The following ACVR1C variants were observed in gnomAD, a reference collection of about 807,000 sequenced individuals.
The protein encoded by ACVR1C is activin receptor type-1C.
Under a neutral mutation model 57.9 loss-of-function variants are expected in ACVR1C, and 23 were observed. The observed-to-expected ratio is 0.40, with a 90% CI of 0.29 to 0.56. The LOEUF is 0.56. Ranked by LOEUF, ACVR1C falls within the 20% of genes least tolerant of loss-of-function variation. ACVR1C has a pLI of 0.50. For synonymous variants in ACVR1C, 214 were observed against 215.3 expected, an observed-to-expected ratio of 0.99 and a Z score of 0.05; for missense variants, 480 against 607.9, an observed-to-expected ratio of 0.79 and a Z score of 2.21.
chr2:157,549,072 T>C (rs1225677221), intron 4 of ACVR1C, among the ~76,000 whole-genome samples: 5 of 152,146 alleles, frequency 3.3e-5, no homozygotes, highest in Admixed American at 6.5e-5. Context: ...TCAAAACTCC[T>C]GGGCCAGGCG....
chr2:157,544,706 CA>C (rs1430372528), intron 4 of ACVR1C, 94 bp from the exon 5 acceptor site: 8 of 1,093,292 alleles, frequency 7.3e-6, no homozygotes, highest in Non-Finnish European at 1.0e-5. Context: ...GTATTGTTAA[CA>C]AAGCAAAGTT....
intron 3 of ACVR1C, among the ~76,000 whole-genome samples, chr2:157,550,624 T>G (rs1273898724): frequency 6.6e-6 from 1 of 152,168 alleles, no homozygotes; most frequent in Non-Finnish European, 1.5e-5. Context: ...AAGTAAAAAT[T>G]TTTTGAACAT....
intron 1 of ACVR1C, among the ~76,000 whole-genome samples, chr2:157,589,672 A>T (rs1051590221): frequency 6.6e-6 from 1 of 151,952 alleles, no homozygotes; most frequent in African/African-American, 2.4e-5. Flanking sequence ...ATTAGAAAAA[A>T]TATCCTAAAA....
intron 4 of ACVR1C, among the ~76,000 whole-genome samples, chr2:157,547,919 C>T (rs932864470): frequency 6.6e-6 from 1 of 151,636 alleles, no homozygotes; most frequent in African/African-American, 2.4e-5. Flanking sequence ...ATGGTAATGC[C>T]TAGGTTTTCT....
intron 1 of ACVR1C, among the ~76,000 whole-genome samples, chr2:157,588,713 TACTTC>T (rs1392336656): frequency 2.0e-5 from 3 of 150,920 alleles, no homozygotes; most frequent in Non-Finnish European, 4.4e-5. Context: ...GTTTTCGAGT[TACTTC>T]ACTTAGGATA....
chr2:157,602,194 T>C (rs1478283941), intron 1 of ACVR1C, among the ~76,000 whole-genome samples: 1 of 152,190 alleles, frequency 6.6e-6, no homozygotes, highest in African/African-American at 2.4e-5. Flanking sequence ...TTAACTCACA[T>C]ATTGGTTACC....
intron 1 of ACVR1C, among the ~76,000 whole-genome samples, chr2:157,589,753 TCA>T: frequency 6.6e-6 from 1 of 151,966 alleles, no homozygotes; most frequent in Non-Finnish European, 1.5e-5. Flanking sequence ...TCTGGAGGCA[TCA>T]CATTACCCAA....
At chr2:157,562,454 A>G (rs1688260142) in intron 2 of ACVR1C, among the ~76,000 whole-genome samples, 1 of 135,932 alleles carries the variant, frequency 7.4e-6, no homozygotes, top group South Asian at 2.2e-4. Flanking sequence ...CAGCCTACCA[A>G]CCAAAAAAAT....
intron 2 of ACVR1C, among the ~76,000 whole-genome samples, chr2:157,573,832 A>G (rs1688582329): frequency 6.6e-6 from 1 of 152,210 alleles, no homozygotes. Flanking sequence ...GAACCAAGCA[A>G]CAAAATGGGA....
At chr2:157,550,106 G>C (rs1462346996) in intron 4 of ACVR1C, 56 bp downstream of exon 4, 2 of 1,450,852 alleles carry the variant, frequency 1.4e-6, no homozygotes, top group East Asian at 4.6e-5. Context: ...TTTTGAGACA[G>C]AGTCTCGCTC....
intron 2 of ACVR1C, among the ~76,000 whole-genome samples, chr2:157,578,296 A>G (rs1391265034): frequency 6.6e-6 from 1 of 152,212 alleles, no homozygotes; most frequent in Non-Finnish European, 1.5e-5. Context: ...TTTTAAAAGT[A>G]ACACAGAAAT....
chr2:157,528,244 T>G lies in ACVR1C; in HGVS notation c.*5674A>C, dbSNP rs1364486176. On this transcript the variant is annotated 3_prime_UTR_variant, in exon 9 of 9. Coordinates refer to ENST00000243349, the MANE Select transcript of ACVR1C (RefSeq NM_145259.3). ...AGATTTATATAGAGCACAACAGGCC[T>G]GACTGGATGTGATGGCAGTGGGTAT... The G allele has an allele frequency of 2.6e-5, 4 of 152,142 alleles. No individual in the cohort carries two copies. Among genetic ancestry groups the G allele is most frequent in the Admixed American group, 2.6e-4 (4 of 15,254 alleles). The allele number at this position is 152,142 out of a possible 1,614,324, so 9.4% of individuals were successfully genotyped here.
rs376177092 is a variant in ACVR1C at position 157,554,281 on chromosome 2, AAGAGAG to A, written c.544+1806_544+1811del. ...AAAGAAAGAAAGAAAGGAAGGAAGG[AAGAGAG>A]AGAGAGAGAGAAAGAAAGAAAGGAA... On this transcript the variant is annotated intron_variant, in intron 3 of 8. Transcript: ENST00000243349. Among the ~76,000 whole-genome samples, 18 of 122,394 alleles carry A rather than the reference AAGAGAG, an allele frequency of 1.5e-4. 1 individual carries two copies. The highest frequency in any genetic ancestry group is 7.6e-4 in the African/African-American group (18 of 23,644). 80.3% of individuals were successfully genotyped at this position (122,394 alleles called of 152,430 possible).
At chr2:157,608,029 G>C (rs1204006870) in intron 1 of ACVR1C, among the ~76,000 whole-genome samples, 1 of 151,812 alleles carries the variant, frequency 6.6e-6, no homozygotes, top group Non-Finnish European at 1.5e-5. Flanking sequence ...TGTTGAAAAG[G>C]AGTGGTGAGA....
chr2:157,536,605 C>T (rs1687493134), intron 8 of ACVR1C, among the ~76,000 whole-genome samples: 1 of 151,928 alleles, frequency 6.6e-6, no homozygotes, highest in Non-Finnish European at 1.5e-5. Flanking sequence ...TTTGGATACC[C>T]CCAAACTGAA....
At chr2:157,544,771 A>G (rs1687709513) in intron 4 of ACVR1C, among the ~76,000 whole-genome samples, 159 bp from the exon 5 acceptor site, 1 of 152,236 alleles carries the variant, frequency 6.6e-6, no homozygotes, top group Non-Finnish European at 1.5e-5. Flanking sequence ...AAAATTCTCA[A>G]TGAATTCCTG....
intron 3 of ACVR1C, among the ~76,000 whole-genome samples, chr2:157,554,270 AG>A (rs1230217079): frequency 8.2e-3 from 1,120 of 135,760 alleles, no homozygotes; most frequent in East Asian, 0.025. Flanking sequence ...AAAGAAAGAA[AG>A]GAAGGAAGGA....
chr2:157,627,516 A>T (rs1274157116), intron 1 of ACVR1C, among the ~76,000 whole-genome samples: 1 of 152,204 alleles, frequency 6.6e-6, no homozygotes, highest in African/African-American at 2.4e-5. Flanking sequence ...AAATCTGTAC[A>T]TGACAGCAAT....
At chr2:157,609,607 C>T (rs1047135219) in intron 1 of ACVR1C, among the ~76,000 whole-genome samples, 6 of 151,952 alleles carry the variant, frequency 3.9e-5, no homozygotes, top group African/African-American at 1.4e-4. Flanking sequence ...GTCTTGCTCT[C>T]TCTCTAGAAC....
Sources: allele counts gnomAD v4.1 joint callset (sites outside exome capture counted in the v4.1 genomes callset), GRCh38; gene constraint gnomAD v4.1.1; transcripts MANE v1.5; gene names NCBI Gene and HGNC (gene_info 2026-07-23, HGNC 2026-07-21).